Variants in LPP observed in about 807,000 individuals in gnomAD.
The protein encoded by LPP is lipoma-preferred partner.
In LPP, 38 loss-of-function variants were observed where a neutral mutation model predicts 60.4. The ratio of observed to expected loss-of-function variants is 0.63; its 90% CI spans 0.49 to 0.83. LPP has a LOEUF of 0.83. Among genes scored for constraint, LPP ranks in the 40% least tolerant of loss-of-function variants. The pLI is 0.00. For missense variants in LPP, 902 were observed against 783.6 expected, an observed-to-expected ratio of 1.15 and a Z score of -1.80; for synonymous variants, 328 against 290.8, an observed-to-expected ratio of 1.13 and a Z score of -1.30.
At chr3:188,596,805 T>C (rs1184762300) in intron 6 of LPP, among the ~76,000 whole-genome samples, 1 of 152,186 alleles carries the variant, frequency 6.6e-6, no homozygotes, top group African/African-American at 2.4e-5. Flanking sequence ...CAAATTTTTT[T>C]AGAAATATGT....
In LPP at chr3:188,745,499, T is replaced by A. The variant is rs148383218; in HGVS notation, c.1241-14614T>A. Among the ~76,000 whole-genome samples, 543 of 152,324 alleles carry A rather than the reference T, an allele frequency of 3.6e-3. 1 individual carries two copies. The highest frequency in any genetic ancestry group is 0.013 in the African/African-American group (525 of 41,582). ...AGTTCCATGAGGGCAACAGCACTTC[T>A]GTCTTACTGCTCTGTCTGCTATGTT... On this transcript the variant is annotated intron_variant, in intron 8 of 11. Transcript: ENST00000617246.
rs146057031 is a variant in LPP at position 188,288,760 on chromosome 3, C to T, written c.-66-52903C>T. 6.8e-3 allele frequency among the ~76,000 whole-genome samples: 1,038 copies of T among 151,850 alleles called. 7 individuals are homozygous for T. Among genetic ancestry groups the T allele is most frequent in the African/African-American group, 0.022 (915 of 41,326 alleles). ...GGTTGAAATACTTCTGCCACATGAA[C>T]TTCTCTTGATGCCAAATAGCCTCTT... On this transcript the variant is annotated intron_variant, in intron 2 of 11. Transcript: ENST00000617246.
intron 2 of LPP, among the ~76,000 whole-genome samples, chr3:188,328,874 G>T (rs1031416862): frequency 6.6e-6 from 1 of 152,096 alleles, no homozygotes; most frequent in Admixed American, 6.5e-5. Flanking sequence ...CAGTACTCAA[G>T]GACTGAGATT....
intron 8 of LPP, among the ~76,000 whole-genome samples, chr3:188,721,474 A>G (rs1270988030): frequency 1.3e-5 from 2 of 152,176 alleles, no homozygotes; most frequent in Non-Finnish European, 2.9e-5. Context: ...GGATCACTTA[A>G]GCACTGGAGG....
chr3:188,553,060 CAT>C (rs1259850696), intron 6 of LPP, among the ~76,000 whole-genome samples: 1 of 152,104 alleles, frequency 6.6e-6, no homozygotes, highest in African/African-American at 2.4e-5. Context: ...TTCTGATGGC[CAT>C]AGAGAGCTAT....
chr3:188,389,209 ATT>A (rs1232939471), intron 3 of LPP, among the ~76,000 whole-genome samples: 1 of 151,890 alleles, frequency 6.6e-6, no homozygotes, highest in African/African-American at 2.4e-5. Context: ...GGTAGAGTTA[ATT>A]TATCTCACTT....
chr3:188,360,113 C>T (rs116705393), intron 3 of LPP, among the ~76,000 whole-genome samples: 5,667 of 152,242 alleles, frequency 0.037, 152 homozygotes, highest in Non-Finnish European at 0.061. Context: ...GTGTCACTTT[C>T]CCCCCTTCTG....
chr3:188,558,611 C>G (rs1830007759), intron 6 of LPP, among the ~76,000 whole-genome samples: 1 of 152,036 alleles, frequency 6.6e-6, no homozygotes, highest in Non-Finnish European at 1.5e-5. Context: ...GTTAGGCAAT[C>G]AACAAATGTT....
At chr3:188,401,100 A>G (rs947428454) in intron 3 of LPP, among the ~76,000 whole-genome samples, 1 of 152,164 alleles carries the variant, frequency 6.6e-6, no homozygotes, top group Admixed American at 6.5e-5. Context: ...TATAGCTGAG[A>G]CTAGAACTGG....
chr3:188,585,381 C>T (rs1434145633), intron 6 of LPP, among the ~76,000 whole-genome samples: 1 of 152,058 alleles, frequency 6.6e-6, no homozygotes, highest in Non-Finnish European at 1.5e-5. Context: ...ACTTGTTTTT[C>T]CTTCTTCCTC....
chr3:188,249,692 C>G (rs886490469), intron 2 of LPP, among the ~76,000 whole-genome samples: 1 of 151,546 alleles, frequency 6.6e-6, no homozygotes, highest in Non-Finnish European at 1.5e-5. Flanking sequence ...TGATTTTAAA[C>G]TTATTTAAAA....
intron 9 of LPP, among the ~76,000 whole-genome samples, chr3:188,865,229 T>C (rs1209933775): frequency 1.3e-5 from 2 of 152,256 alleles, no homozygotes; most frequent in East Asian, 3.8e-4. Context: ...AGCCGATCTT[T>C]CTGAGACCTG....
intron 1 of LPP, among the ~76,000 whole-genome samples, chr3:188,210,661 A>T (rs981976669): frequency 2.0e-5 from 3 of 152,116 alleles, no homozygotes; most frequent in Non-Finnish European, 4.4e-5. Context: ...TGCAAGATGG[A>T]GGGTACGTTT....
chr3:188,169,774 G>T (rs12493257), intron 1 of LPP, among the ~76,000 whole-genome samples: 56,811 of 152,034 alleles, frequency 0.37, 12,053 homozygotes, highest in Non-Finnish European at 0.49. Flanking sequence ...GCTGTGGGCC[G>T]TGGACCCTGG....
At chr3:188,508,147 C>G (rs759286803) in intron 5 of LPP, among the ~76,000 whole-genome samples, 1 of 152,076 alleles carries the variant, frequency 6.6e-6, no homozygotes, top group Non-Finnish European at 1.5e-5. Flanking sequence ...GTGGCCATGA[C>G]CATGGAGAAG....
At chr3:188,631,040 G>A (rs1370966932) in intron 7 of LPP, among the ~76,000 whole-genome samples, 1 of 152,138 alleles carries the variant, frequency 6.6e-6, no homozygotes, top group Non-Finnish European at 1.5e-5. Flanking sequence ...GCTAGGAGAA[G>A]GGTGAGGGTC....
chr3:188,527,802 G>A (rs1007417093), intron 6 of LPP, among the ~76,000 whole-genome samples: 5 of 150,534 alleles, frequency 3.3e-5, no homozygotes, highest in African/African-American at 9.8e-5. Flanking sequence ...AGGCTGGAGT[G>A]CAGTGGTGGG....
chr3:188,818,826 C>T (rs191406695), intron 9 of LPP, among the ~76,000 whole-genome samples: 9 of 152,304 alleles, frequency 5.9e-5, no homozygotes, highest in African/African-American at 2.2e-4. Context: ...AAGTGCCCAA[C>T]TCCTTGCAAA....
chr3:188,219,287 A>C (rs1051551267), intron 1 of LPP, among the ~76,000 whole-genome samples: 12 of 152,146 alleles, frequency 7.9e-5, no homozygotes, highest in Admixed American at 2.6e-4. Flanking sequence ...GGTCAAGCAC[A>C]GTTCCTTTTA....
Sources: allele counts gnomAD v4.1 joint callset (sites outside exome capture counted in the v4.1 genomes callset), GRCh38; gene constraint gnomAD v4.1.1; transcripts MANE v1.5; gene names NCBI Gene and HGNC (gene_info 2026-07-23, HGNC 2026-07-21).